HEATR6: variants seen among roughly 807,000 people sequenced by gnomAD.
The protein encoded by HEATR6 is HEAT repeat-containing protein 6.
Under a neutral mutation model 132.8 loss-of-function variants are expected in HEATR6, and 106 were observed. The observed-to-expected ratio is 0.80, with a 90% confidence interval of 0.68 to 0.94. HEATR6 has a LOEUF of 0.94. HEATR6 is among the 40% of genes least tolerant of loss of function. The probability of loss-of-function intolerance (pLI) is 0.00; values close to 1 mark genes in which losing one functional copy is unlikely to be tolerated. For missense variants in HEATR6, 1,339 were observed against 1,425.1 expected (o/e 0.94, Z 0.97); for synonymous variants, 529 against 537.8 (o/e 0.98, Z 0.23).
In HEATR6 at chr17:60,056,023, T is replaced by C. The variant is rs188141508; in HGVS notation, c.2202+92A>G. Reference sequence around the variant, plus strand: ...TTGAAGGACATGTGGCAGAAGAATATAAAGTGAAGAAAAGGAAGGATATAA... The same window carrying C: ...TTGAAGGACATGTGGCAGAAGAATACAAAGTGAAGAAAAGGAAGGATATAA... On this transcript the variant is annotated intron_variant, in intron 13 of 19. Transcript: ENST00000184956. 2.5e-5 allele frequency: 34 copies of C among 1,382,682 alleles called. No individual in the cohort carries two copies. The Admixed American group carries it at 5.8e-4, about 24-fold the overall frequency. 85.7% of individuals were successfully genotyped at this position (1,382,682 alleles called of 1,614,324 possible).
intron 19 of HEATR6, 60 bp from the exon 20 acceptor site, chr17:60,044,194 G>T: frequency 7.7e-7 from 1 of 1,296,000 alleles, no homozygotes; most frequent in Non-Finnish European, 1.1e-6. Context: ...GGGGTGAGAG[G>T]GAGAGGGGTG....
chr17:60,057,223 G>A lies in HEATR6; in HGVS notation c.1904C>T (p.Ser635Phe), dbSNP rs1422445549. The change falls in exon 12 of 20, where the codon TCT (serine) becomes TTT (phenylalanine). Residue 635 changes from serine to phenylalanine, a missense_variant. Ser to Phe is a radical substitution (Grantham distance 155, BLOSUM62 -2). Coordinates refer to ENST00000184956, the MANE Select transcript of HEATR6 (RefSeq NM_022070.5). Reference sequence around the variant, plus strand: ...TGAGCTAACTGACGTTTCTTCCAGAGAGGGTCCTGCAGGGGCTTTCTTCCA... The same window carrying A: ...TGAGCTAACTGACGTTTCTTCCAGAAAGGGTCCTGCAGGGGCTTTCTTCCA... Reference protein sequence around the residue: ...DWWKKAPAGPSLEETSVSSPK... With the variant: ...DWWKKAPAGPFLEETSVSSPK... 1 of 1,614,096 alleles carries A rather than the reference G, an allele frequency of 6.2e-7. No individual in the cohort carries two copies. The highest frequency in any genetic ancestry group is 8.5e-7 in the Non-Finnish European group (1 of 1,180,050).
chr17:60,052,264 T>C (rs1480712158), intron 14 of HEATR6, among the ~76,000 whole-genome samples: 3 of 152,214 alleles, frequency 2.0e-5, no homozygotes, highest in Admixed American at 6.5e-5. Flanking sequence ...TGGGGGCATC[T>C]TGATCCCAAC....
In HEATR6 at chr17:60,056,158, C is replaced by T. The variant is rs756701810; in HGVS notation, c.2159G>A (p.Cys720Tyr). Residue 720 changes from cysteine to tyrosine, a missense_variant, in exon 13 of 20, where the codon TGC (cysteine) becomes TAC (tyrosine). Cys to Tyr is a radical substitution (Grantham distance 194). Coordinates refer to ENST00000184956, the MANE Select transcript of HEATR6 (RefSeq NM_022070.5). ...LMELGEVICK[C>Y]MGEADPSIQL... is the part of the protein sequence containing the mutation. ...AATGGATGGATCTGCTTCCCCCATG[C>T]ACTTGCAAATCACCTCTCCAAGCTC... 6.2e-7 allele frequency: 1 copy of T among 1,614,096 alleles called. No individual in the cohort carries two copies. Among genetic ancestry groups the T allele is most frequent in the Non-Finnish European group, 8.5e-7 (1 of 1,179,966 alleles).
rs1906175331 is a variant in HEATR6, at chr17:60,041,661, C to A, written c.*1902G>T. ...GCTTGCAGTCTTAATTCTGTGGACA[C>A]TGATATTCTATCAATGGAAAATTGA... On this transcript the variant is annotated 3_prime_UTR_variant, in exon 20 of 20. Coordinates refer to ENST00000184956, the MANE Select transcript of HEATR6 (RefSeq NM_022070.5). Among the ~76,000 whole-genome samples, 1 of 152,176 alleles carries A rather than the reference C, an allele frequency of 6.6e-6. No individual in the cohort carries two copies. The highest frequency in any genetic ancestry group is 2.4e-5 in the African/African-American group (1 of 41,446).
chr17:60,048,323 A>G lies in HEATR6; in HGVS notation c.2613T>C (p.Asn871=). The G allele has an allele frequency of 1.2e-6, 2 of 1,613,774 alleles. No homozygotes were observed. The highest frequency in any genetic ancestry group is 1.7e-6 in the Non-Finnish European group (2 of 1,179,728). The change falls in exon 17 of 20, where the codon AAT becomes AAC. Residue 871 remains asparagine (N), a synonymous_variant. Coordinates refer to ENST00000184956, the MANE Select transcript of HEATR6 (RefSeq NM_022070.5). The part of the protein sequence containing the change: ...ILMSLEDKSL[N]VRAKAAWSLG... ...GGGACCAGGCTGCTTTGGCTCGAAC[A>G]TTCAGAGACTTGTCTTCAAGTGACA... is the stretch of plus-strand genomic sequence containing the variant.
Position 60,043,280 on chromosome 17 carries a change from C to A in HEATR6, c.*283G>T. On this transcript the variant is annotated 3_prime_UTR_variant, in exon 20 of 20. Transcript: ENST00000184956. ...CCTTCTACATTTTTTTTTTCTGAGA[C>A]TAAATGCCCTCAAAGCCCGTCTGCT... The A allele has an allele frequency of 2.7e-6, 1 of 364,696 alleles. No homozygotes were observed. Among genetic ancestry groups the A allele is most frequent in the Non-Finnish European group, 5.0e-6 (1 of 201,782 alleles). The allele number at this position is 364,696 out of a possible 1,614,324, so 22.6% of individuals were successfully genotyped here.
chr17:60,052,660 T>C (rs1051024984), intron 14 of HEATR6, among the ~76,000 whole-genome samples: 12 of 152,192 alleles, frequency 7.9e-5, no homozygotes, highest in Admixed American at 1.3e-4. Flanking sequence ...GGGAAAAGAA[T>C]AGGCAGAATG....
At chr17:60,053,684 C>T (rs1269874371) in intron 14 of HEATR6, among the ~76,000 whole-genome samples, 1 of 152,174 alleles carries the variant, frequency 6.6e-6, no homozygotes, top group Non-Finnish European at 1.5e-5. Flanking sequence ...CTTTGTTACA[C>T]CTTAGCAAAC....
chr17:60,043,263 A>AC lies in HEATR6; in HGVS notation c.*299_*300insG, dbSNP rs950882154. On this transcript the variant is annotated 3_prime_UTR_variant, in exon 20 of 20. Transcript: ENST00000184956. The stretch of plus-strand genomic sequence containing the variant: ...AATTCTAATTCCGAAATCCTTCTAC[A>AC]TTTTTTTTTTCTGAGACTAAATGCC... The AC allele has an allele frequency of 3.2e-6, 1 of 314,128 alleles. No homozygotes were observed. The highest frequency in any genetic ancestry group is 2.2e-5 in the African/African-American group (1 of 45,446). 19.5% of individuals were successfully genotyped at this position (314,128 alleles called of 1,614,324 possible). A position where few individuals can be genotyped will look rare whatever the true frequency, so the allele number is the denominator to read the frequency against.
At position 60,073,754 on chromosome 17, in the gene HEATR6, AT is replaced by A; in HGVS notation, c.459del (p.Lys153AsnfsTer10). On this transcript the variant is annotated frameshift_variant, in exon 3 of 20. Coordinates refer to ENST00000184956, the MANE Select transcript of HEATR6 (RefSeq NM_022070.5). LOFTEE classifies it high-confidence loss of function. ...LAALVYCNGS[K>X]CQKYLPELLG... is the part of the protein sequence containing the mutation. Reference sequence around the variant, plus strand: ...AAAGCACTTTAAACTACCTTTTGACATTTGGAGCCATTGCAGTACACCAGAG... The same window carrying A: ...AAAGCACTTTAAACTACCTTTTGACATTGGAGCCATTGCAGTACACCAGAG... The A allele has an allele frequency of 5.0e-6, 8 of 1,613,880 alleles. No individual in the cohort carries two copies. Among genetic ancestry groups the A allele is most frequent in the Non-Finnish European group, 6.8e-6 (8 of 1,179,892 alleles).
At position 60,043,890 on chromosome 17, in the gene HEATR6, G is replaced by A. The variant is rs1906272828; in HGVS notation, c.3219C>T (p.Cys1073=). The A allele has an allele frequency of 6.2e-7, 1 of 1,614,176 alleles. No homozygotes were observed. The highest frequency in any genetic ancestry group is 1.3e-5 in the African/African-American group (1 of 75,054). The change falls in exon 20 of 20, where the codon TGC becomes TGT. Residue 1073 remains cysteine (C), a synonymous_variant. Transcript: ENST00000184956. ...KYCVSLRTQI[C]QALIHLLSLA... is the part of the protein sequence containing the mutation. ...AGCTCAAGAGGTGAATCAGTGCCTG[G>A]CAGATTTGGGTCCGTAGGCTGACAC...
At chr17:60,054,828 T>C (rs963333523) in intron 14 of HEATR6, among the ~76,000 whole-genome samples, 1 of 152,174 alleles carries the variant, frequency 6.6e-6, no homozygotes, top group African/African-American at 2.4e-5. Flanking sequence ...TTTGGGGAAC[T>C]ATTGGGAGGA....
chr17:60,062,444 T>C (rs1037419188), intron 9 of HEATR6, among the ~76,000 whole-genome samples: 2 of 152,236 alleles, frequency 1.3e-5, no homozygotes, highest in African/African-American at 4.8e-5. Flanking sequence ...CTAAAGCTAA[T>C]AAAACAGAAA....
intron 2 of HEATR6, among the ~76,000 whole-genome samples, chr17:60,075,404 T>C (rs9902648): frequency 0.032 from 4,899 of 152,286 alleles, 242 homozygotes; most frequent in African/African-American, 0.11. Flanking sequence ...TTTCTGCTTA[T>C]TGCAGCCAAA....
intron 13 of HEATR6, 150 bp from the exon 14 acceptor site, chr17:60,055,751 A>G: frequency 1.7e-6 from 1 of 575,438 alleles, no homozygotes; most frequent in South Asian, 2.4e-5. Context: ...CTCTAGTAAC[A>G]CCTTCACTTT....
intron 9 of HEATR6, among the ~76,000 whole-genome samples, chr17:60,062,497 T>C (rs2083217399): frequency 6.6e-6 from 1 of 152,226 alleles, no homozygotes; most frequent in African/African-American, 2.4e-5. Flanking sequence ...AGCACAAATG[T>C]TTGCTGAGGT....
At chr17:60,047,907 C>T (rs1408090939) in intron 17 of HEATR6, among the ~76,000 whole-genome samples, 4 of 152,126 alleles carry the variant, frequency 2.6e-5, no homozygotes, top group African/African-American at 9.7e-5. Flanking sequence ...CTGCTTTGTA[C>T]TATCTGGATT....
rs148757578 is a variant in HEATR6 at position 60,067,662 on chromosome 17, C to A, written c.1010G>T (p.Ser337Ile). The change falls in exon 8 of 20, where the codon AGT becomes ATT. Residue 337 changes from serine (S) to isoleucine (I), a missense_variant. Coordinates refer to ENST00000184956, the MANE Select transcript of HEATR6 (RefSeq NM_022070.5). ...QQGEEEEKES[S>I]GEIEAAPVTG... ...GACTGGGGCTGCCTCTATTTCACCACTGGATTCCTTTTCCTCCTCCTCTCC... is the reference window on the plus strand; with the variant it reads ...GACTGGGGCTGCCTCTATTTCACCAATGGATTCCTTTTCCTCCTCCTCTCC... 1.2e-5 allele frequency: 19 copies of A among 1,613,250 alleles called. No individual in the cohort carries two copies. The highest frequency in any genetic ancestry group is 1.6e-5 in the Non-Finnish European group (19 of 1,179,774).
Sources: gnomAD v4.1 joint callset for allele counts (sites outside exome capture counted in the v4.1 genomes callset) on GRCh38, gnomAD v4.1.1 for gene constraint, MANE v1.5 for transcripts, NCBI Gene and HGNC (gene_info 2026-07-23, HGNC 2026-07-21) for gene names.